The following SNTG1 variants were observed in gnomAD, a reference collection of about 807,000 sequenced individuals.
SNTG1 encodes syntrophin gamma 1.
A neutral mutation model predicts 74.7 loss-of-function variants in SNTG1; 39 were observed. The ratio of observed to expected loss-of-function variants is 0.52; its 90% CI spans 0.40 to 0.68. SNTG1 has a LOEUF of 0.68. SNTG1 is among the 30% of genes least tolerant of loss of function. The probability of loss-of-function intolerance (pLI) is 0.00; values close to 1 mark genes in which losing one functional copy is unlikely to be tolerated. For missense variants in SNTG1, 685 were observed against 609.5 expected (o/e 1.12, Z -1.30); for synonymous variants, 254 against 217.1 (o/e 1.17, Z -1.49).
chr8:50,501,909 T>G (rs1353979473), intron 8 of SNTG1, among the ~76,000 whole-genome samples: 1 of 152,220 alleles, frequency 6.6e-6, no homozygotes, highest in Non-Finnish European at 1.5e-5. Context: ...TTGTCTCATT[T>G]TACATGATAG....
intron 2 of SNTG1, among the ~76,000 whole-genome samples, chr8:50,229,294 C>T (rs1295673148): frequency 1.3e-5 from 2 of 151,112 alleles, no homozygotes; most frequent in African/African-American, 4.8e-5. Context: ...TTAAACATAC[C>T]AATTAAAAGA....
chr8:50,367,811 C>G (rs2092158035), intron 2 of SNTG1, among the ~76,000 whole-genome samples: 1 of 152,058 alleles, frequency 6.6e-6, no homozygotes, highest in Admixed American at 6.6e-5. Flanking sequence ...ATGCACCCTA[C>G]TGGTTTTGCT....
intron 13 of SNTG1, among the ~76,000 whole-genome samples, chr8:50,655,604 A>G (rs2095175173): frequency 6.6e-6 from 1 of 152,190 alleles, no homozygotes; most frequent in Admixed American, 6.6e-5. Flanking sequence ...CAGGGACTTT[A>G]TAGCTCATAG....
intron 18 of SNTG1, among the ~76,000 whole-genome samples, chr8:50,777,621 C>G (rs2095644788): frequency 6.7e-6 from 1 of 148,856 alleles, no homozygotes; most frequent in South Asian, 2.1e-4. Flanking sequence ...TATGTCATCT[C>G]ACTGTTGGCA....
intron 4 of SNTG1, among the ~76,000 whole-genome samples, chr8:50,428,620 T>C (rs960393684): frequency 6.6e-6 from 1 of 152,184 alleles, no homozygotes; most frequent in East Asian, 1.9e-4. Context: ...CTTTAGGGAA[T>C]GTTAATCTCC....
chr8:50,477,422 G>T (rs920550240), intron 8 of SNTG1, among the ~76,000 whole-genome samples: 7 of 151,666 alleles, frequency 4.6e-5, no homozygotes, highest in Admixed American at 4.6e-4. Context: ...AAAAAAATCA[G>T]AAAAAAATAC....
intron 1 of SNTG1, among the ~76,000 whole-genome samples, chr8:49,990,598 G>A (rs562150148): frequency 6.6e-6 from 1 of 151,958 alleles, no homozygotes; most frequent in Non-Finnish European, 1.5e-5. Flanking sequence ...TGTAATATTG[G>A]CGTAATGATA....
intron 2 of SNTG1, among the ~76,000 whole-genome samples, chr8:50,217,448 T>A (rs1029857485): frequency 3.3e-5 from 5 of 152,254 alleles, no homozygotes; most frequent in East Asian, 1.9e-4. Context: ...AGTCACCTAT[T>A]TGTACTCTTA....
intron 1 of SNTG1, among the ~76,000 whole-genome samples, chr8:50,155,689 AT>A (rs1028382317): frequency 6.6e-6 from 1 of 152,006 alleles, no homozygotes; most frequent in African/African-American, 2.4e-5. Flanking sequence ...TATAGCCTTA[AT>A]TTTTTATATT....
At chr8:50,251,559 A>T (rs751898135) in intron 2 of SNTG1, among the ~76,000 whole-genome samples, 4 of 151,788 alleles carry the variant, frequency 2.6e-5, no homozygotes, top group African/African-American at 9.7e-5. Context: ...GGAAACCAAA[A>T]CCAAGCAGAG....
At chr8:50,108,721 C>G (rs570171388) in intron 1 of SNTG1, among the ~76,000 whole-genome samples, 1 of 152,116 alleles carries the variant, frequency 6.6e-6, no homozygotes, top group African/African-American at 2.4e-5. Context: ...CCTACTATGT[C>G]CAGCTCCTTT....
chr8:50,102,307 C>T (rs1164165598), intron 1 of SNTG1, among the ~76,000 whole-genome samples: 6 of 151,896 alleles, frequency 4.0e-5, no homozygotes, highest in Non-Finnish European at 7.4e-5. Context: ...CTCTGATGGC[C>T]AGTGATGATG....
At chr8:50,216,198 C>A (rs1486962531) in intron 2 of SNTG1, among the ~76,000 whole-genome samples, 1 of 152,112 alleles carries the variant, frequency 6.6e-6, no homozygotes, top group Non-Finnish European at 1.5e-5. Flanking sequence ...CTTTAAAAGC[C>A]ACAAAAGGAT....
chr8:50,696,170 A>G (rs971167349), intron 15 of SNTG1, among the ~76,000 whole-genome samples: 22 of 152,012 alleles, frequency 1.4e-4, no homozygotes, highest in African/African-American at 5.3e-4. Context: ...TGACTGGGAT[A>G]AGATGGTATC....
At chr8:50,116,564 T>G (rs957832544) in intron 1 of SNTG1, among the ~76,000 whole-genome samples, 25 of 152,338 alleles carry the variant, frequency 1.6e-4, no homozygotes, top group African/African-American at 6.0e-4. Flanking sequence ...TAATTCGTAT[T>G]CGTTCATTTA....
At chr8:50,294,240 A>C (rs748298535) in intron 2 of SNTG1, among the ~76,000 whole-genome samples, 1 of 152,242 alleles carries the variant, frequency 6.6e-6, no homozygotes, top group Non-Finnish European at 1.5e-5. Flanking sequence ...CAAATAGACC[A>C]GTAAGAACCT....
chr8:50,172,530 A>G (rs1420561648), intron 1 of SNTG1, 31 bp from the exon 2 acceptor site: 1 of 152,136 alleles, frequency 6.6e-6, no homozygotes, highest in Non-Finnish European at 1.5e-5. Context: ...GAATGCTCAT[A>G]GGACTTATTT....
intron 10 of SNTG1, among the ~76,000 whole-genome samples, chr8:50,532,241 A>T (rs2094274698): frequency 6.6e-6 from 1 of 152,184 alleles, no homozygotes; most frequent in African/African-American, 2.4e-5. Context: ...AAACCGTATG[A>T]AAACAAAATA....
chr8:49,960,736 C>T (rs889119952), intron 1 of SNTG1, among the ~76,000 whole-genome samples: 1 of 152,068 alleles, frequency 6.6e-6, no homozygotes, highest in Non-Finnish European at 1.5e-5. Context: ...AGATCTGGGT[C>T]TTGTTCCAAC....
Sources: gnomAD v4.1 joint callset for allele counts (sites outside exome capture counted in the v4.1 genomes callset) on GRCh38, gnomAD v4.1.1 for gene constraint, MANE v1.5 for transcripts, NCBI Gene and HGNC (gene_info 2026-07-23, HGNC 2026-07-21) for gene names.